The following RAB27B variants were observed in gnomAD, a reference collection of about 807,000 sequenced individuals.
The protein encoded by RAB27B is RAB27B, member RAS oncogene family, also known as ras-related protein Rab-27B.
Under a neutral mutation model 24.6 loss-of-function variants are expected in RAB27B, and 15 were observed. The observed-to-expected ratio is 0.61, with a 90% CI of 0.41 to 0.94. RAB27B has a LOEUF of 0.94. Among genes scored for constraint, RAB27B ranks in the 40% least tolerant of loss-of-function variants. The pLI, the probability that RAB27B is intolerant of heterozygous loss-of-function variation, is 0.00. For synonymous variants in RAB27B, 105 were observed against 92.5 expected (o/e 1.14, Z -0.78); for missense variants, 261 against 266.8 (o/e 0.98, Z 0.15).
At chr18:54,807,398 G>C (rs953031585) in intron 2 of RAB27B, among the ~76,000 whole-genome samples, 8 of 152,148 alleles carry the variant, frequency 5.3e-5, no homozygotes, top group Non-Finnish European at 1.2e-4. Flanking sequence ...GCTTTTAGCA[G>C]TGGGCAGAAG....
intron 1 of RAB27B, among the ~76,000 whole-genome samples, chr18:54,849,729 C>T (rs185542795): frequency 5.9e-5 from 9 of 151,980 alleles, no homozygotes; most frequent in African/African-American, 1.7e-4. Flanking sequence ...TCAAAACAAA[C>T]AAACAAAAAG....
At chr18:54,819,560 A>AAAAAAAAATT (rs1910234809) in intron 2 of RAB27B, among the ~76,000 whole-genome samples, 1 of 149,884 alleles carries the variant, frequency 6.7e-6, no homozygotes, top group African/African-American at 2.4e-5. Flanking sequence ...AAAAAAAAAG[A>AAAAAAAAATT]ATAGATCATG....
chr18:54,770,374 C>T (rs554238534), intron 2 of RAB27B, among the ~76,000 whole-genome samples: 1 of 152,062 alleles, frequency 6.6e-6, no homozygotes, highest in African/African-American at 2.4e-5. Context: ...GATCATGAAC[C>T]CTATTGTGAA....
rs2145275749 is a variant in RAB27B, at chr18:54,879,438, A to G, written c.223A>G (p.Thr75Ala). 1 of 1,612,072 alleles carries G rather than the reference A, an allele frequency of 6.2e-7. No individual in the cohort carries two copies. The highest frequency in any genetic ancestry group is 2.2e-5 in the East Asian group (1 of 44,850). Reference sequence around the variant, plus strand: ...TAAAGTGCATCTTCAGCTTTGGGACACTGCGGGACAAGAGCGGTAATAGTA... The same window carrying G: ...TAAAGTGCATCTTCAGCTTTGGGACGCTGCGGGACAAGAGCGGTAATAGTA... ...AFKVHLQLWDTAGQERFRSLT... is the reference protein window; with the variant it reads ...AFKVHLQLWDAAGQERFRSLT... Residue 75 changes from threonine (T) to alanine (A), a missense_variant, in exon 3 of 6, where the codon ACT (threonine) becomes GCT (alanine). By Grantham distance (58) the Thr-to-Ala change is moderately conservative. Transcript: ENST00000262094.
At chr18:54,807,896 C>T (rs1007060080) in intron 2 of RAB27B, among the ~76,000 whole-genome samples, 1 of 152,164 alleles carries the variant, frequency 6.6e-6, no homozygotes, top group East Asian at 1.9e-4. Flanking sequence ...TTCATCACTT[C>T]AGGGGATATC....
chr18:54,799,860 A>G (rs956062639), intron 2 of RAB27B, among the ~76,000 whole-genome samples: 1 of 152,048 alleles, frequency 6.6e-6, no homozygotes, highest in Non-Finnish European at 1.5e-5. Context: ...GTTAGCCAGG[A>G]TGGTCTTGAT....
intron 2 of RAB27B, among the ~76,000 whole-genome samples, chr18:54,821,579 A>G (rs947738266): frequency 2.0e-4 from 31 of 152,202 alleles, no homozygotes; most frequent in African/African-American, 7.2e-4. Flanking sequence ...ATGGAACCAA[A>G]AAAGAGCCCG....
Position 54,735,080 on chromosome 18 carries a change from G to C in RAB27B, c.-20+16939G>C, listed in dbSNP as rs189144527. ...ATTACTGAGTCACATTATAAAACTG[G>C]CCAATATCTACCATAAATCTTTGGC... On this transcript the variant is annotated intron_variant, in intron 2 of 4. Transcript: ENST00000586570. Among the ~76,000 whole-genome samples, 6 of 152,166 alleles carry C rather than the reference G, an allele frequency of 3.9e-5. 1 individual carries two copies. Among genetic ancestry groups the C allele is most frequent in the Admixed American group, 3.3e-4 (5 of 15,264 alleles).
intron 2 of RAB27B, among the ~76,000 whole-genome samples, chr18:54,759,267 T>C (rs1002968854): frequency 6.6e-6 from 1 of 152,164 alleles, no homozygotes; most frequent in Non-Finnish European, 1.5e-5. Flanking sequence ...AAACCTGATA[T>C]ATTTTTCTAC....
intron 1 of RAB27B, among the ~76,000 whole-genome samples, chr18:54,876,382 A>G (rs1359097266): frequency 1.3e-5 from 2 of 152,210 alleles, no homozygotes; most frequent in African/African-American, 4.8e-5. Context: ...TGATTACCCC[A>G]GAATGCTTCA....
Position 54,835,099 on chromosome 18 carries a change from TAAAC to T in RAB27B, c.-20+6403_-20+6406del, listed in dbSNP as rs1426429022. Among the ~76,000 whole-genome samples the T allele has an allele frequency of 2.0e-5, 3 of 152,058 alleles. 1 individual carries two copies. The Middle Eastern group carries it at 0.01, about 521-fold the overall frequency. ...TATTATTCAAAATATATTATTTTCA[TAAAC>T]AAAATGGACTGTTGATAAGTGTTCC... On this transcript the variant is annotated intron_variant, in intron 1 of 5. Coordinates refer to ENST00000262094, the MANE Select transcript of RAB27B (RefSeq NM_004163.4).
At chr18:54,833,822 C>T (rs1210749189) in intron 1 of RAB27B, among the ~76,000 whole-genome samples, 11 of 152,050 alleles carry the variant, frequency 7.2e-5, no homozygotes, top group East Asian at 1.9e-4. Context: ...GAGCTTGGAG[C>T]GTTCAAGAAA....
chr18:54,816,095 C>G (rs1910113012), intron 2 of RAB27B, among the ~76,000 whole-genome samples: 1 of 152,220 alleles, frequency 6.6e-6, no homozygotes, highest in Non-Finnish European at 1.5e-5. Context: ...CAAACATTCA[C>G]TGTTTTAATA....
intron 1 of RAB27B, among the ~76,000 whole-genome samples, chr18:54,838,427 T>A (rs1910978732): frequency 1.3e-5 from 2 of 152,182 alleles, no homozygotes; most frequent in South Asian, 4.1e-4. Context: ...TGGGGAATAT[T>A]CTATTACATT....
At chr18:54,762,041 A>T (rs570637801) in intron 2 of RAB27B, among the ~76,000 whole-genome samples, 39 of 152,180 alleles carry the variant, frequency 2.6e-4, no homozygotes, top group Non-Finnish European at 4.4e-4. Flanking sequence ...AAAGAAGGAG[A>T]TGTGAAGACA....
At chr18:54,871,789 G>C (rs1476631324) in intron 1 of RAB27B, among the ~76,000 whole-genome samples, 2 of 146,736 alleles carry the variant, frequency 1.4e-5, no homozygotes, top group African/African-American at 5.0e-5. Context: ...GGCGGAGCCT[G>C]CAGTGAGCCT....
chr18:54,743,468 A>C (rs914584641), intron 2 of RAB27B, among the ~76,000 whole-genome samples: 1 of 152,176 alleles, frequency 6.6e-6, no homozygotes, highest in Admixed American at 6.6e-5. Flanking sequence ...AGAGAGTAGG[A>C]GCTGATTTCC....
At chr18:54,731,119 C>T (rs1251028560) in intron 2 of RAB27B, among the ~76,000 whole-genome samples, 2 of 151,950 alleles carry the variant, frequency 1.3e-5, no homozygotes, top group African/African-American at 4.8e-5. Flanking sequence ...GAAATGAAGG[C>T]TGGAATAGCA....
At chr18:54,783,136 T>A (rs1269487636) in intron 2 of RAB27B, among the ~76,000 whole-genome samples, 3 of 151,980 alleles carry the variant, frequency 2.0e-5, no homozygotes, top group African/African-American at 7.3e-5. Context: ...TTTTTTAAAA[T>A]TTTTTTATTT....
Sources: gnomAD v4.1 joint callset for allele counts (sites outside exome capture counted in the v4.1 genomes callset) on GRCh38, gnomAD v4.1.1 for gene constraint, MANE v1.5 for transcripts, NCBI Gene and HGNC (gene_info 2026-07-23, HGNC 2026-07-21) for gene names.